HOMER1: variants seen among roughly 807,000 people sequenced by gnomAD.
The protein encoded by HOMER1 is homer scaffold protein 1.
Under a neutral mutation model 48.9 loss-of-function variants are expected in HOMER1, and 3 were observed. The observed-to-expected ratio is 0.06, with a 90% CI of 0.03 to 0.16. The LOEUF (loss-of-function observed/expected upper bound fraction) is 0.16, where lower values mean the gene tolerates loss of function less well. Among genes scored for constraint, HOMER1 ranks in the 10% least tolerant of loss-of-function variants. The probability of loss-of-function intolerance (pLI) is 1.00; values close to 1 mark genes in which losing one functional copy is unlikely to be tolerated. For missense variants in HOMER1, 247 were observed against 411.4 expected (o/e 0.60, Z 3.46); for synonymous variants, 134 against 146.4 (o/e 0.92, Z 0.61).
intron 5 of HOMER1, among the ~76,000 whole-genome samples, chr5:79,423,848 C>T (rs188013313): frequency 5.3e-5 from 8 of 152,134 alleles, no homozygotes; most frequent in East Asian, 1.9e-4. Flanking sequence ...ACTGTGAACA[C>T]GACTAGTGGC....
In HOMER1 at chr5:79,401,959, C is replaced by T; in HGVS notation, c.624G>A (p.Val208=). ...TAALLESTAN[V]KQWKQQLAAY... ...CAGCAAGTTGCTGTTTCCATTGTTT[C>T]ACATTGGCAGTGGACTCCAGCAGGG... is the stretch of plus-strand genomic sequence containing the variant. The change falls in exon 6 of 9, where the codon GTG becomes GTA. Residue 208 remains valine (V), a synonymous_variant. Coordinates refer to ENST00000334082, the MANE Select transcript of HOMER1 (RefSeq NM_004272.5). 6.2e-7 allele frequency: 1 copy of T among 1,613,948 alleles called. No individual in the cohort carries two copies. The highest frequency in any genetic ancestry group is 2.2e-5 in the East Asian group (1 of 44,860).
intron 8 of HOMER1, among the ~76,000 whole-genome samples, chr5:79,386,894 C>G (rs1749123284): frequency 6.6e-6 from 1 of 151,948 alleles, no homozygotes; most frequent in South Asian, 2.1e-4. Flanking sequence ...GGCACCAGAT[C>G]AGCTTAATTT....
chr5:79,409,360 A>C (rs1416578532), intron 5 of HOMER1, among the ~76,000 whole-genome samples: 1 of 149,068 alleles, frequency 6.7e-6, no homozygotes, highest in Non-Finnish European at 1.5e-5. Context: ...TGAACCGGGG[A>C]GGCGGAGGTT....
chr5:79,509,230 G>A (rs538030410), intron 1 of HOMER1, among the ~76,000 whole-genome samples: 22 of 152,264 alleles, frequency 1.4e-4, no homozygotes, highest in African/African-American at 4.8e-4. Flanking sequence ...AGTTCCCATA[G>A]GCAGGTGAGA....
intron 1 of HOMER1, among the ~76,000 whole-genome samples, chr5:79,502,632 T>C (rs969230457): frequency 2.0e-5 from 3 of 152,202 alleles, no homozygotes; most frequent in African/African-American, 7.2e-5. Context: ...TTGACCACTG[T>C]ACCATCTTTG....
At chr5:79,475,579 G>C (rs998070531) in intron 1 of HOMER1, among the ~76,000 whole-genome samples, 1 of 151,954 alleles carries the variant, frequency 6.6e-6, no homozygotes, top group Non-Finnish European at 1.5e-5. Context: ...ATAAAATCTA[G>C]CCAATGTCTA....
chr5:79,502,213 T>C (rs1301733520), intron 1 of HOMER1, among the ~76,000 whole-genome samples: 1 of 151,992 alleles, frequency 6.6e-6, no homozygotes, highest in Non-Finnish European at 1.5e-5. Context: ...AGAGATGGAG[T>C]TTCACTATGT....
At chr5:79,407,530 T>C in intron 5 of HOMER1, among the ~76,000 whole-genome samples, 1 of 152,058 alleles carries the variant, frequency 6.6e-6, no homozygotes, top group East Asian at 1.9e-4. Flanking sequence ...ATGTTAGAAA[T>C]ACAGAACATA....
intron 1 of HOMER1, among the ~76,000 whole-genome samples, chr5:79,464,948 T>A (rs189780642): frequency 6.6e-6 from 1 of 152,318 alleles, no homozygotes; most frequent in East Asian, 1.9e-4. Context: ...GCATGTTTTT[T>A]AAAACCTGGA....
At chr5:79,416,541 G>GT (rs2112240868) in intron 5 of HOMER1, among the ~76,000 whole-genome samples, 1 of 152,324 alleles carries the variant, frequency 6.6e-6, no homozygotes, top group East Asian at 1.9e-4. Context: ...CCTGGTTCCT[G>GT]TAACTGTGCT....
At chr5:79,426,671 G>A (rs1006724370) in intron 5 of HOMER1, among the ~76,000 whole-genome samples, 1 of 152,094 alleles carries the variant, frequency 6.6e-6, no homozygotes, top group African/African-American at 2.4e-5. Flanking sequence ...GATAAAAAGG[G>A]GTTGGTTAAT....
At chr5:79,470,493 T>C (rs1751587551) in intron 1 of HOMER1, among the ~76,000 whole-genome samples, 1 of 152,192 alleles carries the variant, frequency 6.6e-6, no homozygotes, top group African/African-American at 2.4e-5. Context: ...AACACCCATC[T>C]TATAGTATGA....
Position 79,467,703 on chromosome 5 carries a change from G to A in HOMER1, c.6-10685C>T, listed in dbSNP as rs188583738. 7.2e-5 allele frequency among the ~76,000 whole-genome samples: 11 copies of A among 152,246 alleles called. No homozygotes were observed. In the East Asian group the frequency reaches 2.1e-3, roughly 29 times the overall value. On this transcript the variant is annotated intron_variant, in intron 1 of 8. Transcript: ENST00000334082. ...AATTGCTCAAAACAAACAATAAAACGTCACAGCACTTCTCTAGTTCTTATT... is the reference window on the plus strand; with the variant it reads ...AATTGCTCAAAACAAACAATAAAACATCACAGCACTTCTCTAGTTCTTATT...
At chr5:79,455,553 C>T (rs1244813899) in intron 2 of HOMER1, among the ~76,000 whole-genome samples, 1 of 152,198 alleles carries the variant, frequency 6.6e-6, no homozygotes, top group Non-Finnish European at 1.5e-5. Context: ...AACTGTGAGT[C>T]AAGTAAACCT....
At chr5:79,393,660 C>A (rs1403259898) in intron 8 of HOMER1, among the ~76,000 whole-genome samples, 2 of 152,098 alleles carry the variant, frequency 1.3e-5, no homozygotes, top group African/African-American at 4.8e-5. Context: ...ACATTGACAC[C>A]AAGCAATTCT....
intron 4 of HOMER1, among the ~76,000 whole-genome samples, chr5:79,444,689 A>C (rs1247056606): frequency 6.6e-6 from 1 of 152,228 alleles, no homozygotes; most frequent in African/African-American, 2.4e-5. Flanking sequence ...TACAATGGCA[A>C]AGCTTAATCC....
chr5:79,422,603 A>G (rs1012464242), intron 5 of HOMER1, among the ~76,000 whole-genome samples: 9 of 145,668 alleles, frequency 6.2e-5, no homozygotes, highest in African/African-American at 1.8e-4. Context: ...TTCTCATGAG[A>G]CAATTGTCAA....
chr5:79,442,804 T>TTTC (rs1750771604), intron 4 of HOMER1, among the ~76,000 whole-genome samples: 1 of 152,112 alleles, frequency 6.6e-6, no homozygotes, highest in African/African-American at 2.4e-5. Flanking sequence ...GCAGTGAGAA[T>TTTC]GGAAAGAAGA....
chr5:79,417,336 G>T (rs1042902299), intron 5 of HOMER1, among the ~76,000 whole-genome samples: 3 of 152,082 alleles, frequency 2.0e-5, no homozygotes, highest in Non-Finnish European at 4.4e-5. Flanking sequence ...TAGAGACGGG[G>T]TTTCACCGTG....
Sources: gnomAD v4.1 joint callset for allele counts (sites outside exome capture counted in the v4.1 genomes callset) on GRCh38, gnomAD v4.1.1 for gene constraint, MANE v1.5 for transcripts, NCBI Gene and HGNC (gene_info 2026-07-23, HGNC 2026-07-21) for gene names.